Variants in PCDHGB4 observed in about 807,000 individuals in gnomAD.
The protein encoded by PCDHGB4 is protocadherin gamma-B4.
Under a neutral mutation model 60.5 loss-of-function variants are expected in PCDHGB4, and 38 were observed. The observed-to-expected ratio is 0.63, with a 90% confidence interval of 0.48 to 0.82. The LOEUF is 0.82. Ranked by LOEUF, PCDHGB4 falls within the 40% of genes least tolerant of loss-of-function variation. The pLI, the probability that PCDHGB4 is intolerant of heterozygous loss-of-function variation, is 0.00. For synonymous variants in PCDHGB4, 456 were observed against 509.7 expected (o/e 0.89, Z 1.42); for missense variants, 1,109 against 1,209.6 (o/e 0.92, Z 1.23).
Position 141,505,463 on chromosome 5 carries a change from A to G in PCDHGB4, c.2527A>G (p.Ile843Val). 1 of 1,614,184 alleles carries G rather than the reference A, an allele frequency of 6.2e-7. No homozygotes were observed. Among genetic ancestry groups the G allele is most frequent in the East Asian group, 2.2e-5 (1 of 44,876 alleles). Residue 843 changes from isoleucine to valine, a missense_variant, in exon 3 of 4, where the codon ATC (isoleucine) becomes GTC (valine). Ile to Val is a conservative substitution (Grantham distance 29). Transcript: ENST00000519479. Reference protein sequence around the residue: ...QFDTEMLQAMILASASEAADG... With the variant: ...QFDTEMLQAMVLASASEAADG... ...TGACACAGAGATGCTGCAAGCCATG[A>G]TCTTGGCGTCCGCCAGTGGTAAGTG...
rs1384424498 is a variant in PCDHGB4, at chr5:141,431,677, G to A, written c.2397+41396G>A. On this transcript the variant is annotated intron_variant, in intron 1 of 3. Coordinates refer to ENST00000519479, the MANE Select transcript of PCDHGB4 (RefSeq NM_003736.4). This position sits in a 1 kb window ranked among gnomAD's most constrained non-coding sequence, Gnocchi z 4.8. The stretch of plus-strand genomic sequence containing the variant: ...CAGGGACAATATCAACAATAGGGGA[G>A]TTGGACCACGAGGAGTCAGGATTCT... 2 of 1,614,236 alleles carry A rather than the reference G, an allele frequency of 1.2e-6. No homozygotes were observed. The highest frequency in any genetic ancestry group is 1.7e-6 in the Non-Finnish European group (2 of 1,180,050).
At chr5:141,415,490 T>C in intron 1 of PCDHGB4, 2 of 1,614,228 alleles carry the variant, frequency 1.2e-6, no homozygotes, top group Admixed American at 3.3e-5. Flanking sequence ...AAGAGTCACC[T>C]GATCTTCCCC....
intron 1 of PCDHGB4, among the ~76,000 whole-genome samples, chr5:141,473,298 A>G (rs1033516450): frequency 1.3e-5 from 2 of 152,244 alleles, no homozygotes; most frequent in Non-Finnish European, 2.9e-5. Context: ...AGTAGCATAA[A>G]GATTGCTATA....
chr5:141,505,341 A>T, intron 2 of PCDHGB4, 52 bp from the exon 3 acceptor site: 1 of 1,612,728 alleles, frequency 6.2e-7, no homozygotes, highest in Non-Finnish European at 8.5e-7. Flanking sequence ...CAGGAGGGGC[A>T]TGAGCTGTGC....
rs1472816403 is a variant in PCDHGB4 at position 141,451,473 on chromosome 5, C to T, written c.2398-43334C>T. On this transcript the variant is annotated intron_variant, in intron 1 of 3. Transcript: ENST00000519479. ...TGTTAGCTTGAGGTCTACCTCAGTTCCTTGCCATGTGGACCTCCATAGGGC... is the reference window on the plus strand; with the variant it reads ...TGTTAGCTTGAGGTCTACCTCAGTTTCTTGCCATGTGGACCTCCATAGGGC... Among the ~76,000 whole-genome samples the T allele has an allele frequency of 2.0e-5, 3 of 152,218 alleles. No homozygotes were observed. In the East Asian group the frequency reaches 5.8e-4, roughly 29 times the overall value.
At chr5:141,504,817 G>T in intron 2 of PCDHGB4, among the ~76,000 whole-genome samples, 1 of 151,940 alleles carries the variant, frequency 6.6e-6, no homozygotes, top group East Asian at 1.9e-4. Flanking sequence ...TACCTCCTAG[G>T]TCCCCACTTT....
intron 1 of PCDHGB4, chr5:141,396,659 A>G (rs2093416733): frequency 6.6e-6 from 1 of 151,984 alleles, no homozygotes; most frequent in African/African-American, 2.4e-5. Context: ...AAAACTCGGT[A>G]TAGGCTATCC....
At chr5:141,433,034 C>T in intron 1 of PCDHGB4, 1 of 1,614,184 alleles carries the variant, frequency 6.2e-7, no homozygotes. Flanking sequence ...CGAGGTTTCC[C>T]TCACCACGGA....
rs2095058812 is a variant in PCDHGB4 at position 141,408,208 on chromosome 5, A to T, written c.2397+17927A>T. ...AGCGAGAACCCGAGCGAACGATGGGAGGGAGCTGCGCGCAGAGGCGCCGGG... is the reference window on the plus strand; with the variant it reads ...AGCGAGAACCCGAGCGAACGATGGGTGGGAGCTGCGCGCAGAGGCGCCGGG... On this transcript the variant is annotated intron_variant, in intron 1 of 3. Transcript: ENST00000519479. The T allele has an allele frequency of 1.9e-6, 3 of 1,553,236 alleles. No homozygotes were observed. The East Asian group carries it at 7.3e-5, about 38-fold the overall frequency.
rs151119016 is a variant in PCDHGB4, at chr5:141,489,949, G to C, written c.2398-4858G>C. On this transcript the variant is annotated intron_variant, in intron 1 of 3. Transcript: ENST00000519479. The surrounding 1 kb of genome is among the most constrained non-coding windows in gnomAD (Gnocchi z 4.5). ...CTCTGTCATCGTGCTGGACATCAAT[G>C]ATAATGCTCCAACCTTCCAATCCTC... is the stretch of plus-strand genomic sequence containing the variant. 1 of 1,614,198 alleles carries C rather than the reference G, an allele frequency of 6.2e-7. No individual in the cohort carries two copies. Among genetic ancestry groups the C allele is most frequent in the Non-Finnish European group, 8.5e-7 (1 of 1,180,028 alleles).
chr5:141,418,478 G>C (rs777772131), intron 1 of PCDHGB4: 1 of 1,613,976 alleles, frequency 6.2e-7, no homozygotes, highest in Non-Finnish European at 8.5e-7. Context: ...AACGCAGAGC[G>C]CTCACCACTT....
rs530113846 is a variant in PCDHGB4, at chr5:141,389,147, G to C, written c.1263G>C (p.Thr421=). The change falls in exon 1 of 4, where the codon ACG becomes ACC. Residue 421 remains threonine (T), a synonymous_variant. Coordinates refer to ENST00000519479, the MANE Select transcript of PCDHGB4 (RefSeq NM_003736.4). ...ATCCAGAGTACAATATAACCGTTAC[G>C]GCAACAGATCGGGGCAAGCCTCCCC... is the stretch of plus-strand genomic sequence containing the variant. The part of the protein sequence containing the change: ...EQNPEYNITV[T]ATDRGKPPLS... The C allele has an allele frequency of 7.4e-5, 120 of 1,613,986 alleles. No individual in the cohort carries two copies. The highest frequency in any genetic ancestry group is 4.8e-4 in the Admixed American group (29 of 60,032).
intron 1 of PCDHGB4, among the ~76,000 whole-genome samples, chr5:141,460,983 GTATATATATATA>G (rs59296681): frequency 7.3e-6 from 1 of 137,780 alleles, no homozygotes. Flanking sequence ...GTGTGTGTGT[GTATATATATATA>G]TGTGTATATA....
At chr5:141,399,494 G>T in intron 1 of PCDHGB4, 1 of 1,614,032 alleles carries the variant, frequency 6.2e-7, no homozygotes, top group Non-Finnish European at 8.5e-7. Flanking sequence ...TACTTAGTCA[G>T]TGTACCCGAA....
intron 1 of PCDHGB4, among the ~76,000 whole-genome samples, chr5:141,473,942 GC>G (rs1443545533): frequency 1.3e-5 from 2 of 152,124 alleles, no homozygotes; most frequent in African/African-American, 4.8e-5. Context: ...AGTAGCTCAG[GC>G]CTGTAGTCCC....
chr5:141,404,919 C>T, intron 1 of PCDHGB4: 1 of 1,613,924 alleles, frequency 6.2e-7, no homozygotes, highest in Non-Finnish European at 8.5e-7. Context: ...CCTCTCTCGG[C>T]CACTGTCACG....
In PCDHGB4 at chr5:141,511,979, T is replaced by C. The variant is rs1205375941; in HGVS notation, c.*806T>C. ...AGGAAGGGAAGTGTGTGGATGTGGA[T>C]GGTGGGGGCATGGACAAAGCTTGAC... On this transcript the variant is annotated 3_prime_UTR_variant, in exon 4 of 4. Transcript: ENST00000519479. The C allele has an allele frequency of 6.5e-5, 10 of 153,278 alleles. No individual in the cohort carries two copies. The highest frequency in any genetic ancestry group is 1.5e-4 in the Non-Finnish European group (10 of 68,568). The allele number at this position is 153,278 out of a possible 1,614,324, so 9.5% of individuals were successfully genotyped here.
chr5:141,487,356 C>T lies in PCDHGB4; in HGVS notation c.2398-7451C>T. 6.2e-7 allele frequency: 1 copy of T among 1,614,220 alleles called. No individual in the cohort carries two copies. The highest frequency in any genetic ancestry group is 8.5e-7 in the Non-Finnish European group (1 of 1,180,042). ...GCCTGTGGAGTCACATGCTTTCCTG[C>T]TGGCACCTGTGCCTGTCTCACCAGA... On this transcript the variant is annotated intron_variant, in intron 1 of 3. Transcript: ENST00000519479. This position sits in a 1 kb window ranked among gnomAD's most constrained non-coding sequence, Gnocchi z 5.0.
At chr5:141,429,610 T>C (rs2097228693) in intron 1 of PCDHGB4, among the ~76,000 whole-genome samples, 2 of 152,230 alleles carry the variant, frequency 1.3e-5, no homozygotes, top group African/African-American at 4.8e-5. Flanking sequence ...AACTCAATTT[T>C]ATGTCTGATA....
Sources: gnomAD v4.1 joint callset for allele counts (sites outside exome capture counted in the v4.1 genomes callset) on GRCh38, gnomAD v4.1.1 for gene constraint, Gnocchi (gnomAD v3.1) non-coding constraint, MANE v1.5 for transcripts, NCBI Gene and HGNC (gene_info 2026-07-23, HGNC 2026-07-21) for gene names.